FAR2: variants seen among roughly 807,000 people sequenced by gnomAD.
The protein encoded by FAR2 is epididymis secretory protein Li 81.
A neutral mutation model predicts 56.0 loss-of-function variants in FAR2; 19 were observed. The ratio of observed to expected loss-of-function variants is 0.34; its 90% CI spans 0.24 to 0.50. The LOEUF (loss-of-function observed/expected upper bound fraction) is 0.50. Among genes scored for constraint, FAR2 ranks in the 20% least tolerant of loss-of-function variants. The pLI is 0.98. For synonymous variants in FAR2, 219 were observed against 218.8 expected, an observed-to-expected ratio of 1.00 and a Z score of -0.01; for missense variants, 508 against 642.2, an observed-to-expected ratio of 0.79 and a Z score of 2.26.
At chr12:29,332,753 T>C in intron 11 of FAR2, 26 bp downstream of exon 11, 1 of 1,600,778 alleles carries the variant, frequency 6.2e-7, no homozygotes, top group Non-Finnish European at 8.5e-7. Context: ...CAGTTAATAT[T>C]TATTGAGCAC....
chr12:29,161,121 C>G (rs976374395), intron 1 of FAR2, among the ~76,000 whole-genome samples: 3 of 152,142 alleles, frequency 2.0e-5, no homozygotes, highest in African/African-American at 7.2e-5. Context: ...TCCACATGAT[C>G]TTTATTATTT....
chr12:29,301,389 T>A (rs1322700331), intron 4 of FAR2, among the ~76,000 whole-genome samples: 3 of 152,212 alleles, frequency 2.0e-5, no homozygotes, highest in African/African-American at 4.8e-5. Context: ...CCTTTGGAAA[T>A]TTATGTGCAT....
At chr12:29,237,908 G>A (rs566275841) in intron 1 of FAR2, among the ~76,000 whole-genome samples, 1 of 152,140 alleles carries the variant, frequency 6.6e-6, no homozygotes, top group African/African-American at 2.4e-5. Context: ...ATGATGAGAT[G>A]TGTCAATATT....
At chr12:29,252,338 C>A (rs957371844) in intron 1 of FAR2, among the ~76,000 whole-genome samples, 1 of 151,986 alleles carries the variant, frequency 6.6e-6, no homozygotes, top group Non-Finnish European at 1.5e-5. Flanking sequence ...GGTCATCCCA[C>A]GAGGTAAAGA....
chr12:29,196,981 C>A (rs1391580579), intron 1 of FAR2, among the ~76,000 whole-genome samples: 1 of 152,066 alleles, frequency 6.6e-6, no homozygotes, highest in African/African-American at 2.4e-5. Context: ...AGTAAAAGAA[C>A]AAAGTAGATT....
intron 8 of FAR2, among the ~76,000 whole-genome samples, chr12:29,314,096 G>A (rs1949402123): frequency 6.6e-6 from 1 of 151,904 alleles, no homozygotes; most frequent in African/African-American, 2.4e-5. Context: ...ATTCTTCTTT[G>A]ACCTATGAGG....
intron 1 of FAR2, among the ~76,000 whole-genome samples, chr12:29,265,806 A>G (rs576420270): frequency 6.6e-6 from 1 of 152,312 alleles, no homozygotes; most frequent in South Asian, 2.1e-4. Flanking sequence ...AGGAACACAA[A>G]CAAGTCTATA....
chr12:29,325,260 G>A (rs185090792), intron 10 of FAR2, among the ~76,000 whole-genome samples: 51 of 152,286 alleles, frequency 3.3e-4, no homozygotes, highest in African/African-American at 1.2e-3. Context: ...CAAGCCCTTA[G>A]TGACCTACAA....
intron 4 of FAR2, among the ~76,000 whole-genome samples, chr12:29,306,109 C>T (rs1175356428): frequency 2.0e-5 from 3 of 151,910 alleles, no homozygotes; most frequent in African/African-American, 4.8e-5. Context: ...TGTTGACCCA[C>T]CAAATGAAAT....
At position 29,173,100 on chromosome 12, in the gene FAR2, A is replaced by C. The variant is rs998022400; in HGVS notation, c.-39+23693A>C. 2.0e-5 allele frequency among the ~76,000 whole-genome samples: 3 copies of C among 152,350 alleles called. No homozygotes were observed. In the East Asian group the frequency reaches 5.8e-4, roughly 29 times the overall value. On this transcript the variant is annotated intron_variant, in intron 1 of 11. Transcript: ENST00000536681. ...CATGACTTCTCTCCAAGTGAGGTCA[A>C]AGGTTTGCCCTAGATCCTGTAGGAC...
chr12:29,327,784 C>T (rs1949672129), intron 10 of FAR2, among the ~76,000 whole-genome samples: 1 of 152,250 alleles, frequency 6.6e-6, no homozygotes, highest in South Asian at 2.1e-4. Flanking sequence ...CACGTTAGAC[C>T]TAAAACCATA....
Position 29,305,178 on chromosome 12 carries a change from A to G in FAR2, c.546-2480A>G, listed in dbSNP as rs151124615. On this transcript the variant is annotated intron_variant, in intron 4 of 11. Coordinates refer to ENST00000536681, the MANE Select transcript of FAR2 (RefSeq NM_001271783.2). The stretch of plus-strand genomic sequence containing the variant: ...TTTGAGACAGGGTCTCTGTCACCCA[A>G]GCTGGAGTATGGTGGCACAATTATG... Among the ~76,000 whole-genome samples the G allele has an allele frequency of 9.3e-4, 142 of 152,188 alleles. No homozygotes were observed. The East Asian group carries it at 0.026, about 28-fold the overall frequency.
At chr12:29,323,136 A>G (rs1403672253) in intron 10 of FAR2, among the ~76,000 whole-genome samples, 1 of 152,212 alleles carries the variant, frequency 6.6e-6, no homozygotes, top group Non-Finnish European at 1.5e-5. Context: ...ATGCCCATGG[A>G]GCCTCACTCA....
intron 3 of FAR2, among the ~76,000 whole-genome samples, chr12:29,294,974 T>C (rs1949034663): frequency 6.6e-6 from 1 of 152,224 alleles, no homozygotes; most frequent in South Asian, 2.1e-4. Context: ...ATTTCAGTTT[T>C]TAAACTATTT....
intron 2 of FAR2, among the ~76,000 whole-genome samples, chr12:29,289,583 A>G (rs1307408412): frequency 1.3e-5 from 2 of 152,240 alleles, no homozygotes; most frequent in Non-Finnish European, 2.9e-5. Context: ...AAACTATGAA[A>G]CTACTACAAG....
chr12:29,302,790 G>T (rs916644240), intron 4 of FAR2, among the ~76,000 whole-genome samples: 1 of 152,104 alleles, frequency 6.6e-6, no homozygotes, highest in South Asian at 2.1e-4. Flanking sequence ...TTAGCATAGG[G>T]AGTAGACGGA....
chr12:29,255,952 C>T (rs941012796), intron 1 of FAR2, among the ~76,000 whole-genome samples: 1 of 152,110 alleles, frequency 6.6e-6, no homozygotes, highest in African/African-American at 2.4e-5. Flanking sequence ...TCACTTCAAC[C>T]TCTGACTCCT....
intron 1 of FAR2, among the ~76,000 whole-genome samples, chr12:29,248,892 T>C (rs1307810271): frequency 2.0e-5 from 3 of 152,228 alleles, no homozygotes; most frequent in African/African-American, 7.2e-5. Flanking sequence ...GATATATGGC[T>C]CTGTTCCGCC....
chr12:29,154,427 TTTTGTTTTG>T (rs1949708108), intron 1 of FAR2, among the ~76,000 whole-genome samples: 3 of 118,376 alleles, frequency 2.5e-5, no homozygotes, highest in African/African-American at 1.0e-4. Context: ...TTTTTTTTTG[TTTTGTTTTG>T]TTTTGTTTTG....
Sources: allele counts gnomAD v4.1 joint callset (sites outside exome capture counted in the v4.1 genomes callset), GRCh38; gene constraint gnomAD v4.1.1; transcripts MANE v1.5; gene names NCBI Gene and HGNC (gene_info 2026-07-23, HGNC 2026-07-21).